The following LEPR variants were observed in gnomAD, a reference collection of about 807,000 sequenced individuals.
LEPR encodes the protein OB receptor.
In LEPR, 56 loss-of-function variants were observed where a neutral mutation model predicts 114.7. The observed-to-expected ratio is 0.49, with a 90% CI of 0.39 to 0.61. The LOEUF is 0.61. Among genes scored for constraint, LEPR ranks in the 20% least tolerant of loss-of-function variants. The probability of loss-of-function intolerance (pLI) is 0.00; values close to 1 mark genes in which losing one functional copy is unlikely to be tolerated. For synonymous variants in LEPR, 443 were observed against 461.4 expected (o/e 0.96, Z 0.51); for missense variants, 1,202 against 1,352.9 (o/e 0.89, Z 1.75).
intron 5 of LEPR, among the ~76,000 whole-genome samples, chr1:65,580,003 T>C (rs1190112523): frequency 1.3e-5 from 2 of 152,140 alleles, no homozygotes; most frequent in Non-Finnish European, 2.9e-5. Context: ...GATTTTTAAT[T>C]TGGTCTTCTT....
At chr1:65,629,267 A>C in intron 19 of LEPR, 1 of 376,914 alleles carries the variant, frequency 2.7e-6, no homozygotes. Flanking sequence ...TAGCACTCTT[A>C]CGCTTCCCTC....
chr1:65,518,899 T>TTCTTTCTTTC, intron 2 of LEPR, among the ~76,000 whole-genome samples: 1 of 99,074 alleles, frequency 1.0e-5, no homozygotes, highest in African/African-American at 3.6e-5. Flanking sequence ...CTTTCTTTCT[T>TTCTTTCTTTC]TCTTTCTTTC....
chr1:65,489,664 A>G (rs1388087994), intron 2 of LEPR, among the ~76,000 whole-genome samples: 1 of 152,012 alleles, frequency 6.6e-6, no homozygotes. Context: ...TGATCTTTTG[A>G]GGTATTACTC....
At chr1:65,564,922 T>C (rs1351736813) in intron 2 of LEPR, among the ~76,000 whole-genome samples, 1 of 151,768 alleles carries the variant, frequency 6.6e-6, no homozygotes, top group Admixed American at 6.5e-5. Context: ...GTAGAACTCA[T>C]AGGAAATCTT....
chr1:65,424,719 C>T (rs963313733), intron 1 of LEPR, among the ~76,000 whole-genome samples: 1 of 152,228 alleles, frequency 6.6e-6, no homozygotes, highest in Non-Finnish European at 1.5e-5. Flanking sequence ...GAGCCAGCTT[C>T]CTGGTTTGCA....
intron 2 of LEPR, among the ~76,000 whole-genome samples, chr1:65,547,643 C>T (rs969424237): frequency 1.1e-4 from 16 of 150,820 alleles, no homozygotes; most frequent in Non-Finnish European, 1.6e-4. Flanking sequence ...TCTGTGAGAT[C>T]GGTGGTGATA....
At chr1:65,565,847 A>T (rs1036262927) in intron 3 of LEPR, among the ~76,000 whole-genome samples, 11 of 149,742 alleles carry the variant, frequency 7.3e-5, no homozygotes, top group African/African-American at 2.7e-4. Context: ...TCTCTCTCTC[A>T]CACACACACA....
At chr1:65,516,293 G>T (rs960514716) in intron 2 of LEPR, among the ~76,000 whole-genome samples, 4 of 151,900 alleles carry the variant, frequency 2.6e-5, no homozygotes, top group Admixed American at 2.6e-4. Context: ...AAATTAGCCG[G>T]ATTAGCCCGG....
intron 2 of LEPR, among the ~76,000 whole-genome samples, chr1:65,490,403 T>C (rs111471225): frequency 5.3e-5 from 8 of 152,108 alleles, no homozygotes; most frequent in Non-Finnish European, 7.4e-5. Flanking sequence ...TTTAGAGCCT[T>C]GTCTTGGGGA....
chr1:65,596,132 A>G (rs1371931516), intron 6 of LEPR, among the ~76,000 whole-genome samples: 1 of 152,076 alleles, frequency 6.6e-6, no homozygotes, highest in Non-Finnish European at 1.5e-5. Context: ...AAGTTTTAGG[A>G]TGCTGGGTTT....
intron 2 of LEPR, among the ~76,000 whole-genome samples, chr1:65,444,710 G>T (rs931814624): frequency 1.3e-5 from 2 of 152,172 alleles, no homozygotes; most frequent in African/African-American, 2.4e-5. Flanking sequence ...TTATTTAAAT[G>T]AGAAAAGTGG....
At chr1:65,569,286 C>G (rs886791523) in intron 3 of LEPR, among the ~76,000 whole-genome samples, 1 of 152,122 alleles carries the variant, frequency 6.6e-6, no homozygotes, top group Non-Finnish European at 1.5e-5. Flanking sequence ...CATACAAATC[C>G]ATACAAGATT....
At chr1:65,592,580 AT>A (rs2100897896) in intron 5 of LEPR, 76 bp from the exon 6 acceptor site, 1 of 1,505,056 alleles carries the variant, frequency 6.6e-7, no homozygotes, top group East Asian at 2.3e-5. Flanking sequence ...TTCAATTAGT[AT>A]TTAGTATCCT....
At chr1:65,593,247 G>C (rs1655830005) in intron 6 of LEPR, among the ~76,000 whole-genome samples, 1 of 151,986 alleles carries the variant, frequency 6.6e-6, no homozygotes, top group South Asian at 2.1e-4. Context: ...ACTGCTCCAG[G>C]AGCTGGAAAA....
chr1:65,609,331 A>G, intron 12 of LEPR, among the ~76,000 whole-genome samples: 1 of 152,190 alleles, frequency 6.6e-6, no homozygotes, highest in East Asian at 1.9e-4. Flanking sequence ...ACATCTGTTG[A>G]TATCTTTTAG....
At chr1:65,624,728 C>T (rs1329721098) in intron 19 of LEPR, among the ~76,000 whole-genome samples, 4 of 152,134 alleles carry the variant, frequency 2.6e-5, no homozygotes, top group Admixed American at 2.0e-4. Context: ...AAATTGATTT[C>T]ACAACATTCG....
chr1:65,616,548 C>A (rs1041617505), intron 15 of LEPR, among the ~76,000 whole-genome samples: 1 of 151,874 alleles, frequency 6.6e-6, no homozygotes, highest in African/African-American at 2.4e-5. Flanking sequence ...TGTACATATA[C>A]ATGTATATAT....
At chr1:65,590,833 G>A (rs1655645454) in intron 5 of LEPR, among the ~76,000 whole-genome samples, 1 of 149,896 alleles carries the variant, frequency 6.7e-6, no homozygotes, top group Admixed American at 6.7e-5. Flanking sequence ...ATTATATTCT[G>A]ATTTGATATT....
chr1:65,474,161 T>C (rs1348340663), intron 2 of LEPR, among the ~76,000 whole-genome samples: 1 of 152,250 alleles, frequency 6.6e-6, no homozygotes, highest in Non-Finnish European at 1.5e-5. Flanking sequence ...GTCTATATCA[T>C]ACACTTGTTG....
Sources: gnomAD v4.1 joint callset for allele counts (sites outside exome capture counted in the v4.1 genomes callset) on GRCh38, gnomAD v4.1.1 for gene constraint, MANE v1.5 for transcripts, NCBI Gene and HGNC (gene_info 2026-07-23, HGNC 2026-07-21) for gene names.